The following USH2A variants were observed in gnomAD, a reference collection of about 807,000 sequenced individuals.
The protein encoded by USH2A is usherin, also known as Usher syndrome 2A (autosomal recessive, mild).
USH2A carries 443 observed loss-of-function variants against 538.9 expected under a neutral mutation model. The observed-to-expected ratio is 0.82, with a 90% CI of 0.76 to 0.89. The LOEUF is 0.89. Ranked by LOEUF, USH2A falls within the 40% of genes least tolerant of loss-of-function variation. The pLI is 0.00. For missense variants in USH2A, 6,633 were observed against 6,324.8 expected, an observed-to-expected ratio of 1.05 and a Z score of -1.65; for synonymous variants, 2,413 against 2,273.5, an observed-to-expected ratio of 1.06 and a Z score of -1.75.
At chr1:216,231,351 T>C (rs1344599880) in intron 14 of USH2A, among the ~76,000 whole-genome samples, 1 of 140,614 alleles carries the variant, frequency 7.1e-6, no homozygotes, top group Non-Finnish European at 1.5e-5. Context: ...TCTTCAGATA[T>C]GTCTTTTCCT....
At chr1:215,966,805 C>G (rs2102455177) in intron 36 of USH2A, among the ~76,000 whole-genome samples, 1 of 152,054 alleles carries the variant, frequency 6.6e-6, no homozygotes, top group East Asian at 1.9e-4. Context: ...TTAAAGCATT[C>G]CAAATAAAAT....
chr1:216,086,623 A>C (rs1326393096), intron 24 of USH2A, 96 bp downstream of exon 24: 1 of 1,048,432 alleles, frequency 9.5e-7, no homozygotes, highest in Non-Finnish European at 1.4e-6. Flanking sequence ...ATATAGCATG[A>C]GGTAGAACAT....
intron 21 of USH2A, among the ~76,000 whole-genome samples, chr1:216,145,692 A>G (rs903643307): frequency 2.0e-5 from 3 of 152,160 alleles, no homozygotes; most frequent in Non-Finnish European, 4.4e-5. Flanking sequence ...AGAATCACAA[A>G]AGAAGTGAAT....
chr1:215,736,419 T>C (rs1184370803), intron 60 of USH2A, among the ~76,000 whole-genome samples: 9 of 152,120 alleles, frequency 5.9e-5, no homozygotes, highest in African/African-American at 1.2e-4. Flanking sequence ...CCGATGCACA[T>C]AGGAATTTTG....
intron 41 of USH2A, 139 bp downstream of exon 41, chr1:215,888,287 G>C: frequency 7.4e-7 from 1 of 1,343,410 alleles, no homozygotes; most frequent in Non-Finnish European, 1.0e-6. Context: ...TTGGGCCAAA[G>C]GCCAAAACCC....
chr1:215,715,228 A>G (rs1367082081), intron 61 of USH2A, among the ~76,000 whole-genome samples: 1 of 152,184 alleles, frequency 6.6e-6, no homozygotes, highest in East Asian at 1.9e-4. Context: ...TACAAGTGAG[A>G]ACATGTGGTA....
intron 26 of USH2A, among the ~76,000 whole-genome samples, chr1:216,081,653 G>A (rs2031946180): frequency 6.6e-6 from 1 of 152,006 alleles, no homozygotes; most frequent in Non-Finnish European, 1.5e-5. Context: ...GTGCAGAGGT[G>A]CAATCACAGG....
At chr1:216,049,293 C>T (rs553324143) in intron 30 of USH2A, among the ~76,000 whole-genome samples, 26 of 152,234 alleles carry the variant, frequency 1.7e-4, no homozygotes, top group East Asian at 7.7e-4. Context: ...CTGTCTTAAA[C>T]GGAAGTGTTA....
intron 34 of USH2A, 83 bp from the exon 35 acceptor site, chr1:215,993,250 G>T: frequency 6.2e-7 from 1 of 1,605,346 alleles, no homozygotes; most frequent in Non-Finnish European, 8.5e-7. Flanking sequence ...TTCATAATAA[G>T]AGTTTCAGAT....
At chr1:215,810,479 CAG>C (rs1662636157) in intron 49 of USH2A, among the ~76,000 whole-genome samples, 1 of 152,026 alleles carries the variant, frequency 6.6e-6, no homozygotes, top group Non-Finnish European at 1.5e-5. Flanking sequence ...TTTTAAGGGA[CAG>C]AGGATATTTT....
chr1:216,379,723 C>A (rs1443707518), intron 3 of USH2A, among the ~76,000 whole-genome samples: 1 of 152,144 alleles, frequency 6.6e-6, no homozygotes, highest in Non-Finnish European at 1.5e-5. Flanking sequence ...ACCATTACAT[C>A]AATTGACCTG....
chr1:215,673,311 TA>T (rs1243838917), intron 63 of USH2A, among the ~76,000 whole-genome samples: 1 of 152,202 alleles, frequency 6.6e-6, no homozygotes, highest in East Asian at 1.9e-4. Flanking sequence ...TTACCTGAGG[TA>T]GTTGGAAATC....
intron 52 of USH2A, 83 bp from the exon 53 acceptor site, chr1:215,783,018 T>C (rs1392900083): frequency 3.0e-6 from 4 of 1,340,668 alleles, no homozygotes; most frequent in East Asian, 2.5e-5. Context: ...TCAAAAACTT[T>C]AGACATTTAA....
intron 35 of USH2A, among the ~76,000 whole-genome samples, chr1:215,980,891 G>A (rs1332797508): frequency 1.3e-5 from 2 of 152,084 alleles, no homozygotes; most frequent in African/African-American, 2.4e-5. Context: ...CTTTGGCTAT[G>A]ACATCAATGT....
At chr1:215,977,166 T>G (rs1667638465) in intron 35 of USH2A, among the ~76,000 whole-genome samples, 1 of 151,952 alleles carries the variant, frequency 6.6e-6, no homozygotes, top group Non-Finnish European at 1.5e-5. Context: ...CAGGAAGAAA[T>G]TAAAACCCTT....
chr1:216,354,870 C>T (rs2038354581), intron 4 of USH2A, among the ~76,000 whole-genome samples: 1 of 151,842 alleles, frequency 6.6e-6, no homozygotes, highest in African/African-American at 2.4e-5. Flanking sequence ...ATCAGAACTT[C>T]CAAATGTAAT....
intron 9 of USH2A, among the ~76,000 whole-genome samples, chr1:216,309,532 C>T (rs1005479752): frequency 6.6e-6 from 1 of 152,008 alleles, no homozygotes; most frequent in Non-Finnish European, 1.5e-5. Flanking sequence ...TTCTCCTTTA[C>T]TGCCTTATTT....
rs1378548699 is a variant in USH2A at position 216,198,357 on chromosome 1, T to A, written c.4039A>T (p.Ser1347Cys). 6.2e-7 allele frequency: 1 copy of A among 1,613,930 alleles called. No individual in the cohort carries two copies. The highest frequency in any genetic ancestry group is 2.2e-5 in the East Asian group (1 of 44,838). ...FRVLAVNMAG[S>C]VSSAWVSERT... ...TCTGAGACCCAGGCAGAAGACACACTTCCAGCCATATTCACAGCTAAGACT... is the reference window on the plus strand; with the variant it reads ...TCTGAGACCCAGGCAGAAGACACACATCCAGCCATATTCACAGCTAAGACT... Residue 1347 changes from serine (S) to cysteine (C), a missense_variant, in exon 18 of 72, where the codon AGT becomes TGT. Ser to Cys is a moderately radical substitution (Grantham distance 112). Coordinates refer to ENST00000307340, the MANE Select transcript of USH2A (RefSeq NM_206933.4).
intron 46 of USH2A, among the ~76,000 whole-genome samples, chr1:215,843,426 G>A (rs982336033): frequency 9.9e-5 from 15 of 151,962 alleles, no homozygotes; most frequent in South Asian, 4.2e-4. Context: ...TTCCAATTCC[G>A]TGAAGATAAG....
Sources: gnomAD v4.1 joint callset for allele counts (sites outside exome capture counted in the v4.1 genomes callset) on GRCh38, gnomAD v4.1.1 for gene constraint, MANE v1.5 for transcripts, NCBI Gene and HGNC (gene_info 2026-07-23, HGNC 2026-07-21) for gene names.